DST: variants seen among roughly 807,000 people sequenced by gnomAD.
DST encodes the protein dystonin.
In DST, 253 loss-of-function variants were observed where a neutral mutation model predicts 875.2. The observed-to-expected ratio is 0.29, with a 90% CI of 0.26 to 0.32. DST has a LOEUF of 0.32. DST is among the 10% of genes least tolerant of loss of function. The pLI is 1.00. For synonymous variants in DST, 3,124 were observed against 3,197.1 expected (o/e 0.98, Z 0.77); for missense variants, 8,287 against 9,111.6 (o/e 0.91, Z 3.68).
At chr6:56,861,378 CT>C (rs1771070377) in intron 3 of DST, among the ~76,000 whole-genome samples, 1 of 152,210 alleles carries the variant, frequency 6.6e-6, no homozygotes, top group South Asian at 2.1e-4. Context: ...CCTGATCCCT[CT>C]GAGCTGGCTT....
At chr6:56,619,475 A>G (rs1012685527) in intron 36 of DST, 1 of 1,611,992 alleles carries the variant, frequency 6.2e-7, no homozygotes, top group African/African-American at 1.3e-5. Context: ...GCAGATTTGT[A>G]GTCTTTCTAA....
At chr6:56,794,770 C>A (rs1011658643) in intron 4 of DST, among the ~76,000 whole-genome samples, 4 of 152,132 alleles carry the variant, frequency 2.6e-5, no homozygotes, top group Non-Finnish European at 5.9e-5. Context: ...TTAAGCATGC[C>A]TTCACATCCT....
Position 56,620,071 on chromosome 6 carries a change from T to C in DST, c.4929+4459A>G, listed in dbSNP as rs376354406. 2 of 1,613,684 alleles carry C rather than the reference T, an allele frequency of 1.2e-6. No homozygotes were observed. The highest frequency in any genetic ancestry group is 1.7e-6 in the Non-Finnish European group (2 of 1,180,048). ...ATGTATACTGAATTTCAGTTATTTT[T>C]CTTCTTGCTTCCAATTCAATTTTCT... is the stretch of plus-strand genomic sequence containing the variant. On this transcript the variant is annotated intron_variant, in intron 36 of 103. Coordinates refer to ENST00000680361, the MANE Select transcript of DST (RefSeq NM_001374736.1).
intron 9 of DST, among the ~76,000 whole-genome samples, chr6:56,687,576 G>T (rs1489533032): frequency 1.3e-5 from 2 of 152,122 alleles, no homozygotes; most frequent in Non-Finnish European, 2.9e-5. Flanking sequence ...ATGGAGGCGT[G>T]TAAGAGGGTA....
chr6:56,780,782 T>C lies in DST; in HGVS notation c.626-45493A>G, dbSNP rs1460107412. The stretch of plus-strand genomic sequence containing the variant: ...TTTGTTGCCATTGCTTTTGGTGTTT[T>C]AGACATGAAGTCCTTGCCCATGCCT... On this transcript the variant is annotated intron_variant, in intron 4 of 103. Coordinates refer to ENST00000680361, the MANE Select transcript of DST (RefSeq NM_001374736.1). Among the ~76,000 whole-genome samples, 5 of 151,790 alleles carry C rather than the reference T, an allele frequency of 3.3e-5. No homozygotes were observed. In the East Asian group the frequency reaches 9.6e-4, roughly 29 times the overall value.
chr6:56,821,259 G>C (rs1043984507), intron 4 of DST, among the ~76,000 whole-genome samples: 3 of 152,296 alleles, frequency 2.0e-5, no homozygotes, highest in East Asian at 1.9e-4. Flanking sequence ...TTGGGATCTA[G>C]TGCAATACAT....
At chr6:56,470,842 C>CAT (rs997298252) in intron 95 of DST, among the ~76,000 whole-genome samples, 128 of 150,116 alleles carry the variant, frequency 8.5e-4, no homozygotes, top group African/African-American at 3.0e-3. Context: ...CCTTAAGAAT[C>CAT]ATATATTATT....
chr6:56,872,832 C>CCCCCCTT (rs5876523), intron 3 of DST, among the ~76,000 whole-genome samples: 1 of 127,860 alleles, frequency 7.8e-6, no homozygotes, highest in Non-Finnish European at 1.6e-5. Context: ...TCCCCCCCCC[C>CCCCCCTT]TTTTTTTTTT....
chr6:56,487,327 G>A (rs951790024), intron 86 of DST, 54 bp from the exon 87 acceptor site: 7 of 1,451,706 alleles, frequency 4.8e-6, no homozygotes, highest in Middle Eastern at 1.8e-4. Context: ...TAATAAACAG[G>A]TAAGAGGCAT....
intron 10 of DST, among the ~76,000 whole-genome samples, chr6:56,669,750 C>T (rs2099090560): frequency 1.3e-5 from 2 of 152,016 alleles, no homozygotes; most frequent in Non-Finnish European, 2.9e-5. Flanking sequence ...GACTGCAAGC[C>T]AAGTATTTAC....
intron 5 of DST, among the ~76,000 whole-genome samples, chr6:56,710,030 A>G (rs924572363): frequency 6.6e-6 from 1 of 152,182 alleles, no homozygotes; most frequent in African/African-American, 2.4e-5. Flanking sequence ...AGAAGCTTGA[A>G]CTTTTCCTAC....
chr6:56,771,522 C>T (rs1466231257), intron 4 of DST, among the ~76,000 whole-genome samples: 3 of 152,034 alleles, frequency 2.0e-5, no homozygotes, highest in East Asian at 3.8e-4. Flanking sequence ...ATGTATAAAT[C>T]ATCATCAAAT....
At chr6:56,642,595 C>T (rs968562532) in intron 15 of DST, 92 bp from the exon 16 acceptor site, 1 of 1,613,828 alleles carries the variant, frequency 6.2e-7, no homozygotes, top group African/African-American at 1.3e-5. Context: ...AAAAGTAAAA[C>T]ACAATCCCAC....
At chr6:56,484,325 T>TG (rs2095494292) in intron 88 of DST, 1 of 152,162 alleles carries the variant, frequency 6.6e-6, no homozygotes, top group Non-Finnish European at 1.5e-5. Context: ...TGTTCTTTAT[T>TG]TATTCTTTTA....
chr6:56,954,333 G>C, intron 1 of DST, 74 bp downstream of exon 1: 1 of 1,167,182 alleles, frequency 8.6e-7, no homozygotes, highest in South Asian at 1.4e-5. Context: ...AGAAGGGAGC[G>C]AGCCGCGCTT....
At chr6:56,919,400 G>A (rs1392191531) in intron 2 of DST, among the ~76,000 whole-genome samples, 1 of 152,214 alleles carries the variant, frequency 6.6e-6, no homozygotes, top group East Asian at 1.9e-4. Flanking sequence ...TAGTGTGAGA[G>A]ACACAACTAA....
At chr6:56,558,341 C>A (rs1044707335) in intron 58 of DST, among the ~76,000 whole-genome samples, 1 of 152,088 alleles carries the variant, frequency 6.6e-6, no homozygotes, top group African/African-American at 2.4e-5. Flanking sequence ...CTAACATCAT[C>A]ATGTTTTACC....
At chr6:56,512,956 T>G (rs549885759) in intron 72 of DST, among the ~76,000 whole-genome samples, 1 of 152,330 alleles carries the variant, frequency 6.6e-6, no homozygotes, top group South Asian at 2.1e-4. Flanking sequence ...CATAATTAGG[T>G]ATCTTCATGC....
At chr6:56,565,654 T>C (rs2097662469) in intron 55 of DST, among the ~76,000 whole-genome samples, 1 of 152,194 alleles carries the variant, frequency 6.6e-6, no homozygotes, top group Non-Finnish European at 1.5e-5. Flanking sequence ...GGAGGTGTCT[T>C]CCAGTCAGGA....
Sources: gnomAD v4.1 joint callset for allele counts (sites outside exome capture counted in the v4.1 genomes callset) on GRCh38, gnomAD v4.1.1 for gene constraint, MANE v1.5 for transcripts, NCBI Gene and HGNC (gene_info 2026-07-23, HGNC 2026-07-21) for gene names.